Variants in DPP6 observed in about 807,000 individuals in gnomAD.
The protein encoded by DPP6 is A-type potassium channel modulatory protein DPP6.
In DPP6, 69 loss-of-function variants were observed where a neutral mutation model predicts 122.6. The ratio of observed to expected loss-of-function variants is 0.56; its 90% CI spans 0.46 to 0.69. The LOEUF is 0.69. Ranked by LOEUF, DPP6 falls within the 30% of genes least tolerant of loss-of-function variation. The probability of loss-of-function intolerance (pLI) is 0.00; values close to 1 mark genes in which losing one functional copy is unlikely to be tolerated. For missense variants in DPP6, 928 were observed against 1,116.9 expected, an observed-to-expected ratio of 0.83 and a Z score of 2.41; for synonymous variants, 418 against 433.1, an observed-to-expected ratio of 0.97 and a Z score of 0.43.
At chr7:153,838,205 A>G in the DPP6 span, among the ~76,000 whole-genome samples, 2 of 152,160 alleles carry the variant, frequency 1.3e-5, no homozygotes. Flanking sequence ...CCCATGCATA[A>G]GGGTTCCACT....
chr7:154,374,386 C>T (rs541663539), intron 1 of DPP6, among the ~76,000 whole-genome samples: 3 of 152,252 alleles, frequency 2.0e-5, no homozygotes, highest in South Asian at 2.1e-4. Context: ...CACTGTTGCA[C>T]GTGAGCCATT....
chr7:154,714,845 ATACCCAGAGGGGG>A (rs1841390175), intron 7 of DPP6, among the ~76,000 whole-genome samples: 1 of 152,188 alleles, frequency 6.6e-6, no homozygotes, highest in African/African-American at 2.4e-5. Flanking sequence ...TATTTTGTAA[ATACCCAGAGGGGG>A]CTTGCCCAAG....
chr7:154,180,368 T>C (rs1328152012), intron 1 of DPP6, among the ~76,000 whole-genome samples: 1 of 147,522 alleles, frequency 6.8e-6, no homozygotes, highest in Non-Finnish European at 1.5e-5. Flanking sequence ...AGATTCTCTC[T>C]CTCAAAATAT....
intron 1 of DPP6, among the ~76,000 whole-genome samples, chr7:154,062,040 G>C (rs369380004): frequency 1.1e-4 from 12 of 107,004 alleles, no homozygotes; most frequent in African/African-American, 3.8e-4. Flanking sequence ...CCCCCGCGAG[G>C]CAGGGACTGA....
At chr7:154,180,861 A>C (rs1309256245) in intron 1 of DPP6, among the ~76,000 whole-genome samples, 1 of 152,172 alleles carries the variant, frequency 6.6e-6, no homozygotes. Context: ...TACCTTTTCA[A>C]AATCACATTA....
chr7:154,644,778 G>A (rs2316232), intron 6 of DPP6, among the ~76,000 whole-genome samples: 13,228 of 148,312 alleles, frequency 0.089, 688 homozygotes, highest in East Asian at 0.18. Flanking sequence ...GCGCGATCTC[G>A]GCTCACTTCA....
rs539230131 is a variant in DPP6, at chr7:154,645,311, C to T, written c.680+7438C>T. 1.5e-4 allele frequency among the ~76,000 whole-genome samples: 23 copies of T among 152,156 alleles called. No individual in the cohort carries two copies. In the East Asian group the frequency reaches 2.7e-3, roughly 18 times the overall value. On this transcript the variant is annotated intron_variant, in intron 6 of 25. Transcript: ENST00000377770. ...CGATCTCCTGACCTCGTGACCCGCC[C>T]GCCTCGGCCTCCCAAAGTGCTGGGA...
chr7:153,933,915 T>G (rs1359172513), intron 1 of DPP6, among the ~76,000 whole-genome samples: 1 of 152,220 alleles, frequency 6.6e-6, no homozygotes, highest in Non-Finnish European at 1.5e-5. Flanking sequence ...TTATAAATCA[T>G]GTATCGTGGA....
At chr7:153,847,494 G>A in the DPP6 span, among the ~76,000 whole-genome samples, 2 of 152,176 alleles carry the variant, frequency 1.3e-5, no homozygotes, top group East Asian at 1.9e-4. Context: ...ATACTTTGGG[G>A]ATGATGCATT....
intron 16 of DPP6, among the ~76,000 whole-genome samples, chr7:154,812,962 GT>G: frequency 6.6e-6 from 1 of 151,930 alleles, no homozygotes; most frequent in African/African-American, 2.4e-5. Context: ...ATATGTTTAT[GT>G]TTTATGTTTA....
Position 154,060,810 on chromosome 7 carries a change from C to T in DPP6, c.243+7747C>T, listed in dbSNP as rs1437958979. On this transcript the variant is annotated intron_variant, in intron 1 of 25. Transcript: ENST00000377770. Reference sequence around the variant, plus strand: ...GCCCATCACAGGAGGGGGACGCACCCCCCATGAGGCAGGGACTGAGAGCCA... The same window carrying T: ...GCCCATCACAGGAGGGGGACGCACCTCCCATGAGGCAGGGACTGAGAGCCA... 6.8e-5 allele frequency among the ~76,000 whole-genome samples: 9 copies of T among 132,928 alleles called. 2 individuals carry two copies. The highest frequency in any genetic ancestry group is 1.5e-4 in the Non-Finnish European group (9 of 61,724). 87.2% of individuals were successfully genotyped at this position (132,928 alleles called of 152,430 possible).
At chr7:153,858,273 T>C in the DPP6 span, among the ~76,000 whole-genome samples, 244 of 152,288 alleles carry the variant, frequency 1.6e-3, no homozygotes, top group African/African-American at 5.1e-3. Flanking sequence ...ATGACACAGA[T>C]GACTGTATCC....
chr7:154,883,974 A>T (rs1805787948), intron 21 of DPP6: 2 of 146,684 alleles, frequency 1.4e-5, no homozygotes, highest in South Asian at 4.4e-4. Context: ...ACACACGATT[A>T]CATACACATG....
Position 154,804,980 on chromosome 7 carries a change from C to A in DPP6, c.1547+16C>A. The stretch of plus-strand genomic sequence containing the variant: ...AACTCTACAGGTAACTCCTGCTCCC[C>A]CTGCACACAGGGCTCTCCCCCTTAG... On this transcript the variant is annotated intron_variant, in intron 15 of 25. Transcript: ENST00000377770. The A allele has an allele frequency of 6.3e-7, 1 of 1,590,806 alleles. No individual in the cohort carries two copies. Among genetic ancestry groups the A allele is most frequent in the East Asian group, 2.3e-5 (1 of 43,828 alleles).
chr7:153,829,854 C>A, the DPP6 span, among the ~76,000 whole-genome samples: 5 of 152,160 alleles, frequency 3.3e-5, no homozygotes, highest in African/African-American at 1.2e-4. Flanking sequence ...TTACCTGCAA[C>A]CTTAGGCATA....
At chr7:154,372,971 G>C (rs958650148) in intron 1 of DPP6, among the ~76,000 whole-genome samples, 1 of 152,218 alleles carries the variant, frequency 6.6e-6, no homozygotes, top group Non-Finnish European at 1.5e-5. Flanking sequence ...TGGAAATGGA[G>C]TTCGCGTCTC....
intron 1 of DPP6, among the ~76,000 whole-genome samples, chr7:154,243,320 C>G (rs761939081): frequency 3.6e-4 from 54 of 151,976 alleles, no homozygotes; most frequent in Non-Finnish European, 7.1e-4. Flanking sequence ...GATTAAATGC[C>G]TTTGATGTTG....
At chr7:154,230,564 C>T (rs570278314) in intron 1 of DPP6, among the ~76,000 whole-genome samples, 14 of 152,282 alleles carry the variant, frequency 9.2e-5, no homozygotes, top group Admixed American at 1.3e-4. Flanking sequence ...CTGGTTCAAC[C>T]ACCTCATTTT....
intron 1 of DPP6, among the ~76,000 whole-genome samples, chr7:153,962,219 G>T (rs1303796288): frequency 6.6e-6 from 1 of 152,062 alleles, no homozygotes; most frequent in African/African-American, 2.4e-5. Context: ...GGTGCCAGGA[G>T]ATAATAGTTT....
Sources: allele counts gnomAD v4.1 joint callset (sites outside exome capture counted in the v4.1 genomes callset), GRCh38; gene constraint gnomAD v4.1.1; transcripts MANE v1.5; gene names NCBI Gene and HGNC (gene_info 2026-07-23, HGNC 2026-07-21).